LRP2: variants seen among roughly 807,000 people sequenced by gnomAD.
LRP2 encodes the protein LDL receptor related protein 2.
A neutral mutation model predicts 531.0 loss-of-function variants in LRP2; 172 were observed. The ratio of observed to expected loss-of-function variants is 0.32; its 90% CI spans 0.29 to 0.37. The LOEUF is 0.37. Among genes scored for constraint, LRP2 ranks in the 10% least tolerant of loss-of-function variants. The pLI, the probability that LRP2 is intolerant of heterozygous loss-of-function variation, is 1.00. For missense variants in LRP2, 5,167 were observed against 5,868.3 expected (o/e 0.88, Z 3.90); for synonymous variants, 1,992 against 2,027.6 (o/e 0.98, Z 0.47).
intron 25 of LRP2, 144 bp downstream of exon 25, chr2:169,240,844 G>T: frequency 1.1e-6 from 1 of 923,594 alleles, no homozygotes; most frequent in South Asian, 1.3e-5. Flanking sequence ...ATTCAATTAT[G>T]GTTACCCCCT....
chr2:169,216,539 G>A, intron 34 of LRP2, 109 bp from the exon 35 acceptor site: 1 of 1,050,092 alleles, frequency 9.5e-7, no homozygotes, highest in South Asian at 1.4e-5. Flanking sequence ...CAATACAATG[G>A]GCAAAGGCTG....
chr2:169,171,949 T>C (rs1340185518), intron 58 of LRP2, 66 bp downstream of exon 58: 1 of 1,602,938 alleles, frequency 6.2e-7, no homozygotes, highest in Non-Finnish European at 8.5e-7. Context: ...ACAGTTGAAT[T>C]ATGGACAAAA....
At chr2:169,166,215 A>C (rs1686777633) in intron 61 of LRP2, among the ~76,000 whole-genome samples, 161 bp from the exon 62 acceptor site, 1 of 152,220 alleles carries the variant, frequency 6.6e-6, no homozygotes, top group Non-Finnish European at 1.5e-5. Context: ...TATAGTACAC[A>C]CCAAGGCACT....
intron 53 of LRP2, 122 bp from the exon 54 acceptor site, chr2:169,176,710 A>G (rs913413678): frequency 7.0e-6 from 6 of 860,792 alleles, no homozygotes; most frequent in Non-Finnish European, 1.1e-5. Flanking sequence ...ACTATCCTAG[A>G]TTTATGATTT....
At chr2:169,148,334 G>A (rs565385332) in intron 68 of LRP2, among the ~76,000 whole-genome samples, 1 of 139,266 alleles carries the variant, frequency 7.2e-6, no homozygotes, top group African/African-American at 2.6e-5. Context: ...GAGGAACAGG[G>A]TTTCTTTGTA....
chr2:169,137,337 A>G, intron 76 of LRP2, 55 bp downstream of exon 76: 1 of 1,220,802 alleles, frequency 8.2e-7, no homozygotes, highest in African/African-American at 1.5e-5. Flanking sequence ...ATGACTCAAT[A>G]GATTAAGATC....
intron 1 of LRP2, among the ~76,000 whole-genome samples, chr2:169,324,000 C>T (rs1298176339): frequency 6.6e-6 from 1 of 152,168 alleles, no homozygotes; most frequent in Non-Finnish European, 1.5e-5. Flanking sequence ...CTCTCCAGCA[C>T]TAGCCCCTGT....
chr2:169,267,639 C>T (rs958468708), intron 16 of LRP2, among the ~76,000 whole-genome samples: 1 of 152,046 alleles, frequency 6.6e-6, no homozygotes, highest in African/African-American at 2.4e-5. Context: ...ACTAAATGCC[C>T]ACAGGAGAAA....
chr2:169,162,607 T>C lies in LRP2; in HGVS notation c.11759-7A>G, dbSNP rs773191384. On this transcript the variant is annotated splice_polypyrimidine_tract_variant and splice_region_variant and intron_variant, in intron 62 of 78. Transcript: ENST00000649046. ...TTAGGGGTCGGTTTTCTACCTGCAATGTAAAAACAAGTTAAAATCAAAACT... is the reference window on the plus strand; with the variant it reads ...TTAGGGGTCGGTTTTCTACCTGCAACGTAAAAACAAGTTAAAATCAAAACT... 9 of 1,613,986 alleles carry C rather than the reference T, an allele frequency of 5.6e-6. No homozygotes were observed. The highest frequency in any genetic ancestry group is 7.6e-6 in the Non-Finnish European group (9 of 1,179,968).
At position 169,273,211 on chromosome 2, in the gene LRP2, A is replaced by G; in HGVS notation, c.1976-144T>C. ...GTTGAAAACATTACTACTGGTTACTACTGGATACATCCACATCTGGCTACA... is the reference window on the plus strand; with the variant it reads ...GTTGAAAACATTACTACTGGTTACTGCTGGATACATCCACATCTGGCTACA... On this transcript the variant is annotated intron_variant, in intron 14 of 78. Coordinates refer to ENST00000649046, the MANE Select transcript of LRP2 (RefSeq NM_004525.3). 3 of 895,748 alleles carry G rather than the reference A, an allele frequency of 3.3e-6. No individual in the cohort carries two copies. In the East Asian group the frequency reaches 7.7e-5, roughly 23 times the overall value. The allele number at this position is 895,748 out of a possible 1,614,324, so 55.5% of individuals were successfully genotyped here. A position where few individuals can be genotyped will look rare whatever the true frequency, so the allele number is the denominator to read the frequency against.
At chr2:169,175,999 G>T (rs1196519308) in intron 54 of LRP2, among the ~76,000 whole-genome samples, 2 of 152,172 alleles carry the variant, frequency 1.3e-5, no homozygotes, top group Non-Finnish European at 2.9e-5. Flanking sequence ...ATCAAAAATG[G>T]ATTTGAATGT....
chr2:169,290,135 C>A (rs914221887), intron 8 of LRP2, among the ~76,000 whole-genome samples: 3 of 152,054 alleles, frequency 2.0e-5, no homozygotes, highest in African/African-American at 7.2e-5. Context: ...GAAAAAAAAT[C>A]CCTAGTTCCA....
At position 169,244,646 on chromosome 2, in the gene LRP2, T is replaced by A. The variant is rs116792402; in HGVS notation, c.3430+47A>T. 6.6e-3 allele frequency: 10,674 copies of A among 1,613,398 alleles called. 126 individuals are homozygous for A. The highest frequency in any genetic ancestry group is 0.036 in the Middle Eastern group (219 of 6,062). ...ATGCAAGGCCATTTGGTTGTTGAAGTCTATTTACGAGGCTGACCAACCAAG... is the reference window on the plus strand; with the variant it reads ...ATGCAAGGCCATTTGGTTGTTGAAGACTATTTACGAGGCTGACCAACCAAG... On this transcript the variant is annotated intron_variant, in intron 22 of 78. Coordinates refer to ENST00000649046, the MANE Select transcript of LRP2 (RefSeq NM_004525.3).
chr2:169,193,375 G>A (rs1399264162), intron 47 of LRP2, among the ~76,000 whole-genome samples: 1 of 147,452 alleles, frequency 6.8e-6, no homozygotes, highest in Non-Finnish European at 1.5e-5. Flanking sequence ...AGGCTGCACT[G>A]AGCCATGATA....
chr2:169,299,538 T>TAA (rs34543659), intron 4 of LRP2, among the ~76,000 whole-genome samples: 284 of 138,584 alleles, frequency 2.0e-3, no homozygotes, highest in African/African-American at 5.3e-3. Context: ...CTAAATTCCT[T>TAA]AAAAAAAAAA....
chr2:169,160,346 C>T (rs1298412056), intron 63 of LRP2, among the ~76,000 whole-genome samples: 1 of 152,030 alleles, frequency 6.6e-6, no homozygotes, highest in African/African-American at 2.4e-5. Context: ...GATTATAACA[C>T]ATCACTATAT....
chr2:169,360,484 G>A (rs1397821221), intron 1 of LRP2, among the ~76,000 whole-genome samples: 7 of 152,144 alleles, frequency 4.6e-5, no homozygotes, highest in Admixed American at 1.3e-4. Flanking sequence ...CTATCAAGAA[G>A]AGTAGGTATT....
chr2:169,244,986 TGA>T, intron 21 of LRP2, 54 bp from the exon 22 acceptor site: 1 of 1,608,124 alleles, frequency 6.2e-7, no homozygotes, highest in Admixed American at 1.7e-5. Flanking sequence ...GCCTTTTAAA[TGA>T]GTTCTTGCCT....
chr2:169,302,499 T>C (rs1277495266), intron 4 of LRP2, among the ~76,000 whole-genome samples: 1 of 152,130 alleles, frequency 6.6e-6, no homozygotes, highest in Non-Finnish European at 1.5e-5. Flanking sequence ...TTTTGGATTG[T>C]CACGACTGGG....
Sources: gnomAD v4.1 joint callset for allele counts (sites outside exome capture counted in the v4.1 genomes callset) on GRCh38, gnomAD v4.1.1 for gene constraint, MANE v1.5 for transcripts, NCBI Gene and HGNC (gene_info 2026-07-23, HGNC 2026-07-21) for gene names.